The following NIPBL variants were observed in gnomAD, a reference collection of about 807,000 sequenced individuals.
NIPBL encodes the protein nipped-B-like protein.
Under a neutral mutation model 321.8 loss-of-function variants are expected in NIPBL, and 19 were observed. The ratio of observed to expected loss-of-function variants is 0.06; its 90% CI spans 0.04 to 0.09. The LOEUF (loss-of-function observed/expected upper bound fraction) is 0.09, where lower values mean the gene tolerates loss of function less well. Among genes scored for constraint, NIPBL ranks in the 10% least tolerant of loss-of-function variants. The pLI is 1.00. For missense variants in NIPBL, 2,210 were observed against 3,327.0 expected, an observed-to-expected ratio of 0.66 and a Z score of 8.26; for synonymous variants, 1,106 against 1,114.1, an observed-to-expected ratio of 0.99 and a Z score of 0.14.
At chr5:36,904,375 A>G (rs1236951444) in intron 1 of NIPBL, among the ~76,000 whole-genome samples, 1 of 152,238 alleles carries the variant, frequency 6.6e-6, no homozygotes, top group Non-Finnish European at 1.5e-5. Context: ...AGGCTGAGGC[A>G]GGAGAATCAC....
Position 37,007,356 on chromosome 5 carries a change from A to C in NIPBL, c.4121A>C (p.Lys1374Thr). Residue 1374 changes from lysine (K) to threonine (T), a missense_variant, in exon 18 of 47, where the codon AAA becomes ACA. This residue lies in a region of NIPBL where 381 missense variants were observed against 642.3 expected (regional missense o/e 0.59). Transcript: ENST00000282516. ...GLLSSKAKRAKCSTHKQRVIV... is the reference protein window; with the variant it reads ...GLLSSKAKRATCSTHKQRVIV... ...TTAAGTTCAAAAGCAAAACGGGCTAAATGTTCTACCCATAAGCAGAGAGTA... is the reference window on the plus strand; with the variant it reads ...TTAAGTTCAAAAGCAAAACGGGCTACATGTTCTACCCATAAGCAGAGAGTA... 6.2e-7 allele frequency: 1 copy of C among 1,612,350 alleles called. No homozygotes were observed. Among genetic ancestry groups the C allele is most frequent in the Non-Finnish European group, 8.5e-7 (1 of 1,178,826 alleles).
chr5:36,951,198 T>C (rs1002212289), intron 1 of NIPBL, among the ~76,000 whole-genome samples: 2 of 152,184 alleles, frequency 1.3e-5, no homozygotes, highest in Non-Finnish European at 2.9e-5. Context: ...TTTATTAATC[T>C]TCTAGTTCAT....
At chr5:37,017,766 C>T (rs1749157566) in intron 24 of NIPBL, among the ~76,000 whole-genome samples, 1 of 151,590 alleles carries the variant, frequency 6.6e-6, no homozygotes, top group Admixed American at 6.6e-5. Context: ...AGAAATGCCT[C>T]TAATTTTTTT....
chr5:36,994,436 GTTAT>G (rs1745899199), intron 10 of NIPBL, among the ~76,000 whole-genome samples: 1 of 152,080 alleles, frequency 6.6e-6, no homozygotes, highest in Non-Finnish European at 1.5e-5. Flanking sequence ...TCCATCTTGA[GTTAT>G]TTGATTGTAT....
intron 17 of NIPBL, 38 bp downstream of exon 17, chr5:37,006,626 G>T (rs1244947370): frequency 7.0e-7 from 1 of 1,435,252 alleles, no homozygotes; most frequent in African/African-American, 1.4e-5. Context: ...GTAAATTTTT[G>T]CCATGTTAGA....
Position 37,044,457 on chromosome 5 carries a change from A to G in NIPBL, c.6219A>G (p.Leu2073=), listed in dbSNP as rs149769284. 1.9e-6 allele frequency: 3 copies of G among 1,613,948 alleles called. No homozygotes were observed. The highest frequency in any genetic ancestry group is 4.5e-5 in the East Asian group (2 of 44,840). ...TTCTTGCCACTATTGAGGAAGATCT[A>G]ATGAAGCTCATCATCAAATATGGCA... The part of the protein sequence containing the change: ...ETFLATIEED[L]MKLIIKYGMT... The change falls in exon 35 of 47, where the codon CTA becomes CTG. Residue 2073 remains leucine, a synonymous_variant. Coordinates refer to ENST00000282516, the MANE Select transcript of NIPBL (RefSeq NM_133433.4).
chr5:37,002,637 G>C (rs1746954519), intron 14 of NIPBL, 25 bp from the exon 15 acceptor site: 1 of 1,421,302 alleles, frequency 7.0e-7, no homozygotes, highest in Non-Finnish European at 1.0e-6. Flanking sequence ...AACTTTGTTT[G>C]TGTTTGTTTG....
chr5:36,942,518 T>C (rs1739211844), intron 1 of NIPBL, among the ~76,000 whole-genome samples: 1 of 145,680 alleles, frequency 6.9e-6, no homozygotes, highest in African/African-American at 2.6e-5. Context: ...AGCAGGCAGA[T>C]CACTTGAGGT....
chr5:36,913,629 T>A (rs1373177077), intron 1 of NIPBL, among the ~76,000 whole-genome samples: 1 of 152,164 alleles, frequency 6.6e-6, no homozygotes, highest in African/African-American at 2.4e-5. Context: ...TGCCTCAGCC[T>A]CCCAAAGTGC....
In NIPBL at chr5:37,051,503, G is replaced by A. The variant is rs570082196; in HGVS notation, c.6955-276G>A. The A allele has an allele frequency of 6.3e-6, 3 of 474,136 alleles. No individual in the cohort carries two copies. The South Asian group carries it at 7.9e-5, about 13-fold the overall frequency. 29.4% of individuals were successfully genotyped at this position (474,136 alleles called of 1,614,324 possible). A position where few individuals can be genotyped will look rare whatever the true frequency, so the allele number is the denominator to read the frequency against. On this transcript the variant is annotated intron_variant, in intron 40 of 46. Coordinates refer to ENST00000282516, the MANE Select transcript of NIPBL (RefSeq NM_133433.4). ...TCATAATCTTAAATAGATATTCTTA[G>A]TGTGAGAATGCTTTATGTTTAAAGA...
intron 29 of NIPBL, among the ~76,000 whole-genome samples, chr5:37,023,839 G>A (rs1291515693): frequency 4.6e-5 from 6 of 129,484 alleles, no homozygotes; most frequent in African/African-American, 1.2e-4. Context: ...CCCACACTTC[G>A]TTTAATTTAA....
At chr5:36,909,667 TATAA>T (rs1747898074) in intron 1 of NIPBL, among the ~76,000 whole-genome samples, 2 of 152,170 alleles carry the variant, frequency 1.3e-5, no homozygotes, top group African/African-American at 2.4e-5. Flanking sequence ...GAATGAGTAT[TATAA>T]ATAGAGAAAA....
chr5:36,952,098 T>A (rs1264964676), intron 1 of NIPBL, among the ~76,000 whole-genome samples: 2 of 149,760 alleles, frequency 1.3e-5, no homozygotes, highest in South Asian at 2.1e-4. Context: ...CAGTTTAATG[T>A]ACCTTTGTGC....
chr5:36,994,609 A>C (rs1457127388), intron 10 of NIPBL, among the ~76,000 whole-genome samples: 1 of 152,142 alleles, frequency 6.6e-6, no homozygotes, highest in African/African-American at 2.4e-5. Context: ...TTTGCTTCCA[A>C]TTCATAAAAT....
intron 9 of NIPBL, among the ~76,000 whole-genome samples, chr5:36,976,756 T>C (rs1743511547): frequency 6.6e-6 from 1 of 152,142 alleles, no homozygotes; most frequent in African/African-American, 2.4e-5. Context: ...CAAATTTTTT[T>C]CTGCTAAAAC....
At chr5:37,001,771 A>G (rs530284259) in intron 14 of NIPBL, among the ~76,000 whole-genome samples, 5 of 152,320 alleles carry the variant, frequency 3.3e-5, no homozygotes, top group South Asian at 2.1e-4. Context: ...TACTTTTACA[A>G]TGACATAAAG....
intron 7 of NIPBL, among the ~76,000 whole-genome samples, chr5:36,971,478 C>T (rs1208020477): frequency 6.6e-6 from 1 of 151,122 alleles, no homozygotes; most frequent in Non-Finnish European, 1.5e-5. Flanking sequence ...GACTCTTTTT[C>T]CCTCTGATAC....
At chr5:36,950,260 CCT>C (rs1037259603) in intron 1 of NIPBL, among the ~76,000 whole-genome samples, 11 of 151,884 alleles carry the variant, frequency 7.2e-5, no homozygotes, top group Non-Finnish European at 8.8e-5. Context: ...GATGCCTTTC[CCT>C]CTATTTGTTT....
At chr5:36,881,199 C>T (rs2149514746) in intron 1 of NIPBL, among the ~76,000 whole-genome samples, 1 of 151,834 alleles carries the variant, frequency 6.6e-6, no homozygotes, top group East Asian at 1.9e-4. Context: ...CTCTTAAGGC[C>T]ATCATTGTAA....
Sources: allele counts gnomAD v4.1 joint callset (sites outside exome capture counted in the v4.1 genomes callset), GRCh38; gene constraint gnomAD v4.1.1; regional missense constraint gnomAD v4.1.1; transcripts MANE v1.5; gene names NCBI Gene and HGNC (gene_info 2026-07-23, HGNC 2026-07-21).